The following MED21 variants were observed in gnomAD, a reference collection of about 807,000 sequenced individuals.
MED21 encodes mediator complex subunit 21.
Under a neutral mutation model 18.2 loss-of-function variants are expected in MED21, and 9 were observed. The observed-to-expected ratio is 0.49, with a 90% CI of 0.30 to 0.86. MED21 has a LOEUF of 0.86. MED21 is among the 40% of genes least tolerant of loss of function. The pLI is 0.07. For synonymous variants in MED21, 73 were observed against 60.5 expected, an observed-to-expected ratio of 1.21 and a Z score of -0.96; for missense variants, 150 against 170.9, an observed-to-expected ratio of 0.88 and a Z score of 0.68.
downstream of MED21, among the ~76,000 whole-genome samples, chr12:27,031,297 G>A (rs779893869): frequency 2.0e-5 from 3 of 152,134 alleles, no homozygotes; most frequent in East Asian, 5.8e-4. Flanking sequence ...ACCTCCTGCC[G>A]ATGATTTTTT....
rs1459802449 is a variant in MED21, at chr12:27,030,325, G to A, written c.*1864G>A. 5 of 470,552 alleles carry A rather than the reference G, an allele frequency of 1.1e-5. No homozygotes were observed. The highest frequency in any genetic ancestry group is 1.9e-5 in the Non-Finnish European group (5 of 263,586). 29.1% of individuals were successfully genotyped at this position (470,552 alleles called of 1,614,324 possible). On this transcript the variant is annotated 3_prime_UTR_variant, in exon 4 of 4. Transcript: ENST00000282892. ...TTTTTTTCTTTTTTTTTTAGAGATGGGGTCTCACTCTGTTGCCCAGGCTAA... is the reference window on the plus strand; with the variant it reads ...TTTTTTTCTTTTTTTTTTAGAGATGAGGTCTCACTCTGTTGCCCAGGCTAA...
chr12:27,029,767 G>C lies in MED21; in HGVS notation c.*1306G>C. 1 of 985,462 alleles carries C rather than the reference G, an allele frequency of 1.0e-6. No individual in the cohort carries two copies. Among genetic ancestry groups the C allele is most frequent in the Non-Finnish European group, 1.2e-6 (1 of 829,610 alleles). 61.0% of individuals were successfully genotyped at this position (985,462 alleles called of 1,614,324 possible). A position where few individuals can be genotyped will look rare whatever the true frequency, so the allele number is the denominator to read the frequency against. ...GCTATCAGATATTTGGCATAAATCT[G>C]TACTCTTCATTATAGTTTTGGGGGG... On this transcript the variant is annotated 3_prime_UTR_variant, in exon 4 of 4. Transcript: ENST00000282892.
At chr12:27,032,315 AGGTGGGG>A (rs1199049254), downstream of MED21, among the ~76,000 whole-genome samples, 9 of 152,272 alleles carry the variant, frequency 5.9e-5, no homozygotes, top group Non-Finnish European at 1.2e-4. Flanking sequence ...GTAACCAGTG[AGGTGGGG>A]AGATAAATAG....
chr12:27,025,848 G>C (rs1296115454), intron 1 of MED21, among the ~76,000 whole-genome samples: 1 of 152,102 alleles, frequency 6.6e-6, no homozygotes, highest in Non-Finnish European at 1.5e-5. Flanking sequence ...AAGTACTTAA[G>C]GAATACTTTT....
chr12:27,030,348 T>C lies in MED21; in HGVS notation c.*1887T>C. 4.6e-6 allele frequency: 2 copies of C among 437,864 alleles called. No homozygotes were observed. The highest frequency in any genetic ancestry group is 7.8e-5 in the Admixed American group (2 of 25,700). The allele number at this position is 437,864 out of a possible 1,614,324, so 27.1% of individuals were successfully genotyped here. On this transcript the variant is annotated 3_prime_UTR_variant, in exon 4 of 4. Coordinates refer to ENST00000282892, the MANE Select transcript of MED21 (RefSeq NM_004264.5). ...TGGGGTCTCACTCTGTTGCCCAGGCTAATGCCAAACTGCTAACCTCAAGAT... is the reference window on the plus strand; with the variant it reads ...TGGGGTCTCACTCTGTTGCCCAGGCCAATGCCAAACTGCTAACCTCAAGAT...
intron 3 of MED21, 115 bp downstream of exon 3, chr12:27,027,562 G>C: frequency 1.5e-6 from 1 of 683,300 alleles, no homozygotes; most frequent in Non-Finnish European, 2.5e-6. Flanking sequence ...ACATACCTGA[G>C]ACAGTAATTT....
Position 27,029,909 on chromosome 12 carries a change from A to G in MED21, c.*1448A>G, listed in dbSNP as rs986273577. 2 of 618,336 alleles carry G rather than the reference A, an allele frequency of 3.2e-6. No homozygotes were observed. Among genetic ancestry groups the G allele is most frequent in the Non-Finnish European group, 4.0e-6 (2 of 494,720 alleles). The allele number at this position is 618,336 out of a possible 1,614,324, so 38.3% of individuals were successfully genotyped here. ...AAATGAGGGAAAACTAACAGGATTTATCACTAGTAAACCTGCTCTAAAAGA... is the reference window on the plus strand; with the variant it reads ...AAATGAGGGAAAACTAACAGGATTTGTCACTAGTAAACCTGCTCTAAAAGA... On this transcript the variant is annotated 3_prime_UTR_variant, in exon 4 of 4. Transcript: ENST00000282892.
downstream of MED21, among the ~76,000 whole-genome samples, chr12:27,033,300 C>T (rs1239553409): frequency 6.6e-6 from 1 of 152,154 alleles, no homozygotes; most frequent in African/African-American, 2.4e-5. Flanking sequence ...GGCACCTTCT[C>T]ACTGTCCTCA....
chr12:27,033,764 A>G (rs376009945), downstream of MED21, among the ~76,000 whole-genome samples: 21 of 152,364 alleles, frequency 1.4e-4, no homozygotes, highest in South Asian at 4.1e-3. Context: ...GAGTCAAAAG[A>G]AGAAATCAGA....
chr12:27,026,954 A>G (rs1243808393), intron 2 of MED21, among the ~76,000 whole-genome samples: 1 of 151,774 alleles, frequency 6.6e-6, no homozygotes, highest in Non-Finnish European at 1.5e-5. Flanking sequence ...TTTGAGACGG[A>G]GTCTCGCTCT....
Position 27,027,412 on chromosome 12 carries a change from T to G in MED21, c.223T>G (p.Ser75Ala). The change falls in exon 3 of 4, where the codon TCC (serine) becomes GCC (alanine). Residue 75 changes from serine to alanine, a missense_variant. Transcript: ENST00000282892. Reference protein sequence around the residue: ...TAKDIDVLIDSLPSEESTAAL... With the variant: ...TAKDIDVLIDALPSEESTAAL... Reference sequence around the variant, plus strand: ...AAAAGACATTGATGTTTTGATAGATTCCTTACCCAGTGAAGAATCTACAGC... The same window carrying G: ...AAAAGACATTGATGTTTTGATAGATGCCTTACCCAGTGAAGAATCTACAGC... 1.2e-6 allele frequency: 2 copies of G among 1,613,766 alleles called. No homozygotes were observed. The highest frequency in any genetic ancestry group is 1.7e-6 in the Non-Finnish European group (2 of 1,179,802).
At chr12:27,032,517 C>G (rs1044902343), downstream of MED21, among the ~76,000 whole-genome samples, 1 of 152,206 alleles carries the variant, frequency 6.6e-6, no homozygotes, top group Non-Finnish European at 1.5e-5. Flanking sequence ...ATGGAAAACA[C>G]TCCCCAACTT....
At chr12:27,036,916 A>T (rs1201211661) in intron 2 of MED21, among the ~76,000 whole-genome samples, 1 of 152,048 alleles carries the variant, frequency 6.6e-6, no homozygotes, top group Admixed American at 6.6e-5. Context: ...TGACTTGGAG[A>T]TGTGGGTTCC....
intron 3 of MED21, 138 bp from the exon 4 acceptor site, chr12:27,028,147 A>G: frequency 8.9e-7 from 1 of 1,128,564 alleles, no homozygotes; most frequent in African/African-American, 1.6e-5. Context: ...AATTCTTAAA[A>G]GTTGTCTGAT....
At chr12:27,025,273 T>G (rs1941528936) in intron 1 of MED21, among the ~76,000 whole-genome samples, 1 of 152,222 alleles carries the variant, frequency 6.6e-6, no homozygotes, top group South Asian at 2.1e-4. Context: ...TCCATTACAA[T>G]TAGCAAAACC....
chr12:27,031,120 T>G (rs1207589562), downstream of MED21, among the ~76,000 whole-genome samples: 1 of 152,144 alleles, frequency 6.6e-6, no homozygotes, highest in East Asian at 1.9e-4. Flanking sequence ...TTGGTCAGGC[T>G]GGTCTCGAAC....
chr12:27,028,185 A>T (rs1259016487), intron 3 of MED21, 100 bp from the exon 4 acceptor site: 13 of 1,375,534 alleles, frequency 9.5e-6, no homozygotes, highest in Non-Finnish European at 1.3e-5. Context: ...TGAAAAACAT[A>T]TCACAATGAT....
downstream of MED21, among the ~76,000 whole-genome samples, chr12:27,031,629 T>G (rs1941619798): frequency 6.6e-6 from 1 of 152,136 alleles, no homozygotes; most frequent in Non-Finnish European, 1.5e-5. Context: ...TCCTTAAGAT[T>G]CTGTGTCTCT....
At chr12:27,031,512 A>G (rs1941619024), downstream of MED21, among the ~76,000 whole-genome samples, 1 of 152,212 alleles carries the variant, frequency 6.6e-6, no homozygotes, top group Non-Finnish European at 1.5e-5. Context: ...AAACCAAGTG[A>G]CTACAAGTGA....
Sources: allele counts gnomAD v4.1 joint callset (sites outside exome capture counted in the v4.1 genomes callset), GRCh38; gene constraint gnomAD v4.1.1; transcripts MANE v1.5; gene names NCBI Gene and HGNC (gene_info 2026-07-23, HGNC 2026-07-21).